The following GBP2 variants were observed in gnomAD, a reference collection of about 807,000 sequenced individuals.
GBP2 encodes the protein guanylate-binding protein 2.
GBP2 carries 54 observed loss-of-function variants against 60.8 expected under a neutral mutation model. The ratio of observed to expected loss-of-function variants is 0.89; its 90% CI spans 0.71 to 1.11. The LOEUF (loss-of-function observed/expected upper bound fraction) is 1.11, where lower values mean the gene tolerates loss of function less well. Ranked by LOEUF, GBP2 falls within the 50% of genes most tolerant of loss-of-function variation. The pLI is 0.00. For missense variants in GBP2, 665 were observed against 703.3 expected (o/e 0.95, Z 0.62); for synonymous variants, 243 against 256.5 (o/e 0.95, Z 0.50).
At chr1:89,109,427 G>A (rs1330167586) in intron 10 of GBP2, among the ~76,000 whole-genome samples, 1 of 152,190 alleles carries the variant, frequency 6.6e-6, no homozygotes, top group Non-Finnish European at 1.5e-5. Context: ...ATCACATAAT[G>A]TAAAATACTT....
chr1:89,119,272 G>T (rs984491989), intron 4 of GBP2: 1 of 152,150 alleles, frequency 6.6e-6, no homozygotes, highest in East Asian at 1.9e-4. Flanking sequence ...AATGCTCCTA[G>T]AGAAATAAAA....
chr1:89,119,908 G>A, intron 4 of GBP2: 1 of 375,800 alleles, frequency 2.7e-6, no homozygotes, highest in South Asian at 2.9e-5. Flanking sequence ...AGTTCTAGAG[G>A]ACATTGAAGG....
intron 2 of GBP2, 113 bp downstream of exon 2, chr1:89,121,664 G>C (rs1275011019): frequency 8.5e-7 from 1 of 1,171,742 alleles, no homozygotes; most frequent in Non-Finnish European, 1.2e-6. Context: ...TTAATGGACT[G>C]AAAGTTAGCT....
chr1:89,126,000 T>C lies in GBP2; in HGVS notation c.-155A>G, dbSNP rs964105263. The C allele has an allele frequency of 1.3e-5, 2 of 152,262 alleles. No homozygotes were observed. The highest frequency in any genetic ancestry group is 6.5e-5 in the Admixed American group (1 of 15,278). 9.4% of individuals were successfully genotyped at this position (152,262 alleles called of 1,614,324 possible). ...TTCTCTCACGGTAACTGTGGACTTT[T>C]ACTTTACCCCTCCAACGTCCTGGGG... is the stretch of plus-strand genomic sequence containing the variant. On this transcript the variant is annotated 5_prime_UTR_variant, in exon 1 of 11. Transcript: ENST00000370466.
Position 89,121,862 on chromosome 1 carries a change from C to T in GBP2, c.105G>A (p.Thr35=), listed in dbSNP as rs140687152. The T allele has an allele frequency of 1.7e-4, 268 of 1,614,030 alleles. 17 individuals are homozygous for T. Among genetic ancestry groups the T allele is most frequent in the East Asian group, 6.0e-4 (27 of 44,874 alleles). Residue 35 remains threonine, a synonymous_variant, in exon 2 of 11, where the codon ACG becomes ACA. Transcript: ENST00000370466. ...CAATCGCCACCACCACCACAGGCTG[C>T]GTAATTGCAGATAGGATCTTCAGAG... ...PEALKILSAI[T]QPVVVVAIVG...
intron 4 of GBP2, chr1:89,119,278 T>A (rs1338884186): frequency 6.6e-6 from 1 of 152,020 alleles, no homozygotes; most frequent in Non-Finnish European, 1.5e-5. Flanking sequence ...CCTAGAGAAA[T>A]AAAAGGCTTA....
At chr1:89,108,343 G>A (rs1329119) in intron 10 of GBP2, 52 bp from the exon 11 acceptor site, 805,133 of 1,136,592 alleles carry the variant, frequency 0.71, 286,483 homozygotes, top group African/African-American at 0.82. Flanking sequence ...ATTTCCACCA[G>A]ATTAGTTCCC....
intron 7 of GBP2, among the ~76,000 whole-genome samples, chr1:89,113,547 T>C (rs577758347): frequency 1.9e-4 from 29 of 152,354 alleles, no homozygotes; most frequent in South Asian, 6.2e-4. Context: ...CTTTGTTCAC[T>C]TGGAATGAGG....
chr1:89,109,886 A>G lies in GBP2; in HGVS notation c.1466-16T>C. On this transcript the variant is annotated splice_polypyrimidine_tract_variant and intron_variant, in intron 9 of 10. Transcript: ENST00000370466. ...ATACGTTCCACTGTGGAAGAAAAATAAGCAGAAAAAGATATGAATATTCAA... is the reference window on the plus strand; with the variant it reads ...ATACGTTCCACTGTGGAAGAAAAATGAGCAGAAAAAGATATGAATATTCAA... The G allele has an allele frequency of 6.2e-7, 1 of 1,600,130 alleles. No homozygotes were observed. The highest frequency in any genetic ancestry group is 1.3e-5 in the African/African-American group (1 of 74,370).
chr1:89,113,708 A>G (rs1681210762), intron 7 of GBP2, among the ~76,000 whole-genome samples: 1 of 152,234 alleles, frequency 6.6e-6, no homozygotes, highest in South Asian at 2.1e-4. Context: ...AGGGAACATA[A>G]AAACAATGTA....
In GBP2 at chr1:89,121,796, C is replaced by A; in HGVS notation, c.171G>T (p.Lys57Asn). ...ACTCACCGTTTTTCTTCCCAGCCAG[C>A]TTGTTCATCAGGTAGGATTTGCCTG... ...YRTGKSYLMN[K>N]LAGKKNGFSL... The change falls in exon 2 of 11, where the codon AAG becomes AAT. Residue 57 changes from lysine to asparagine, a missense_variant. Physicochemically the swap from Lys to Asn is moderately conservative, Grantham distance 94. Transcript: ENST00000370466. The A allele has an allele frequency of 6.2e-7, 1 of 1,613,968 alleles. No homozygotes were observed. The highest frequency in any genetic ancestry group is 8.5e-7 in the Non-Finnish European group (1 of 1,179,912).
chr1:89,117,655 A>T lies in GBP2; in HGVS notation c.547T>A (p.Phe183Ile). ...FPAFVWTLRDFTLELEVDGEP... is the reference protein window; with the variant it reads ...FPAFVWTLRDITLELEVDGEP... ...CCATCTACTTCCAGTTCCAGGGTGA[A>T]ATCTCTGAGAGTCCACACAAATGCT... is the stretch of plus-strand genomic sequence containing the variant. The change falls in exon 5 of 11, where the codon TTC (phenylalanine) becomes ATC (isoleucine). Residue 183 changes from phenylalanine to isoleucine, a missense_variant. Phe to Ile is a conservative substitution (Grantham distance 21). Transcript: ENST00000370466. The T allele has an allele frequency of 6.2e-7, 1 of 1,614,134 alleles. No individual in the cohort carries two copies. Among genetic ancestry groups the T allele is most frequent in the Non-Finnish European group, 8.5e-7 (1 of 1,179,976 alleles).
chr1:89,117,883 T>C, intron 4 of GBP2, 110 bp from the exon 5 acceptor site: 2 of 825,244 alleles, frequency 2.4e-6, no homozygotes, highest in South Asian at 3.9e-5. Context: ...CATTCATTCA[T>C]TCACAAACAT....
At chr1:89,119,639 A>G in intron 4 of GBP2, 1 of 152,472 alleles carries the variant, frequency 6.6e-6, no homozygotes, top group Non-Finnish European at 1.5e-5. Flanking sequence ...CTGAGGGCAT[A>G]TATATTAAAG....
rs773569604 is a variant in GBP2 at position 89,117,761 on chromosome 1, C to A, written c.441G>T (p.Glu147Asp). ...AGTTTGCCTTGATTCGATCTGTCAG[C>A]TCTGTCACATAGCTGAGATGCTAAA... ...QAMDQLHYVT[E>D]LTDRIKANSS... The change falls in exon 5 of 11, where the codon GAG (glutamate) becomes GAT (aspartate). Residue 147 changes from glutamate (E) to aspartate (D), a missense_variant. Physicochemically the swap from Glu to Asp is conservative, Grantham distance 45 (BLOSUM62 2). Transcript: ENST00000370466. The A allele has an allele frequency of 6.2e-7, 1 of 1,609,988 alleles. No individual in the cohort carries two copies. Among genetic ancestry groups the A allele is most frequent in the Non-Finnish European group, 8.5e-7 (1 of 1,178,226 alleles).
intron 6 of GBP2, among the ~76,000 whole-genome samples, chr1:89,116,679 T>G (rs1681279004): frequency 6.6e-6 from 1 of 152,174 alleles, no homozygotes; most frequent in Non-Finnish European, 1.5e-5. Flanking sequence ...TTTGCTTTTT[T>G]CTTTGTTGCT....
chr1:89,120,287 C>T lies in GBP2; in HGVS notation c.320G>A (p.Gly107Asp), dbSNP rs1557442332. The T allele has an allele frequency of 6.2e-7, 1 of 1,610,850 alleles. No homozygotes were observed. Among genetic ancestry groups the T allele is most frequent in the East Asian group, 2.2e-5 (1 of 44,856 alleles). ...GATCCAGGAGTCATTCTCATTGTCA[C>T]CCTGTAAGTCATTGTAGAAGCCACA... ...DTEGLGDIEK[G>D]DNENDSWIFA... Residue 107 changes from glycine (G) to aspartate (D), a missense_variant and splice_region_variant, in exon 4 of 11, where the codon GGT becomes GAT. By Grantham distance (94) the Gly-to-Asp change is moderately conservative. Coordinates refer to ENST00000370466, the MANE Select transcript of GBP2 (RefSeq NM_004120.5).
At chr1:89,113,974 C>G in intron 7 of GBP2, 42 bp downstream of exon 7, 1 of 1,603,780 alleles carries the variant, frequency 6.2e-7, no homozygotes, top group Non-Finnish European at 8.5e-7. Context: ...CATGAAGGGC[C>G]CATATTTTTC....
Position 89,109,692 on chromosome 1 carries a change from G to T in GBP2, c.1644C>A (p.Leu548=). 2 of 1,613,424 alleles carry T rather than the reference G, an allele frequency of 1.2e-6. No individual in the cohort carries two copies. The highest frequency in any genetic ancestry group is 1.7e-6 in the Non-Finnish European group (2 of 1,179,694). ...AQLMAEQEKT[L]ALKLQEQERL... Reference sequence around the variant, plus strand: ...AATTGAATACCTGAAGTTTAAGAGCGAGGGTCTTCTCTTGCTCTGCCATTA... The same window carrying T: ...AATTGAATACCTGAAGTTTAAGAGCTAGGGTCTTCTCTTGCTCTGCCATTA... The change falls in exon 10 of 11, where the codon CTC becomes CTA. Residue 548 remains leucine (L), a synonymous_variant. Coordinates refer to ENST00000370466, the MANE Select transcript of GBP2 (RefSeq NM_004120.5).
Sources: allele counts gnomAD v4.1 joint callset (sites outside exome capture counted in the v4.1 genomes callset), GRCh38; gene constraint gnomAD v4.1.1; transcripts MANE v1.5; gene names NCBI Gene and HGNC (gene_info 2026-07-23, HGNC 2026-07-21).